TENM2: variants seen among roughly 807,000 people sequenced by gnomAD.
TENM2 encodes teneurin-2.
Under a neutral mutation model 245.2 loss-of-function variants are expected in TENM2, and 52 were observed. The observed-to-expected ratio is 0.21, with a 90% CI of 0.17 to 0.27. TENM2 has a LOEUF of 0.27. Ranked by LOEUF, TENM2 falls within the 10% of genes least tolerant of loss-of-function variation. The pLI is 1.00. For missense variants in TENM2, 3,046 were observed against 3,666.8 expected, an observed-to-expected ratio of 0.83 and a Z score of 4.37; for synonymous variants, 1,363 against 1,438.9, an observed-to-expected ratio of 0.95 and a Z score of 1.19.
intron 2 of TENM2, among the ~76,000 whole-genome samples, chr5:167,831,998 T>A (rs77030348): frequency 4.7e-5 from 7 of 149,026 alleles, no homozygotes; most frequent in African/African-American, 7.4e-5. Flanking sequence ...AAAAAAAAAA[T>A]ATTTAGCATC....
intron 3 of TENM2, among the ~76,000 whole-genome samples, chr5:167,899,422 C>CAAT (rs897282965): frequency 1.1e-3 from 171 of 152,218 alleles, no homozygotes; most frequent in African/African-American, 4.0e-3. Context: ...GTAATAATAA[C>CAAT]AATAATAATA....
At chr5:168,168,681 CAA>C (rs36016365) in intron 13 of TENM2, among the ~76,000 whole-genome samples, 19,343 of 127,780 alleles carry the variant, frequency 0.15, 1,403 homozygotes, top group East Asian at 0.46. Context: ...GACCCTGTCT[CAA>C]AAAAAAAAAA....
At chr5:167,492,638 T>C (rs1404188201) in intron 2 of TENM2, among the ~76,000 whole-genome samples, 2 of 152,148 alleles carry the variant, frequency 1.3e-5, no homozygotes, top group Non-Finnish European at 2.9e-5. Context: ...TACAATGCTT[T>C]ACATATTTCC....
intron 2 of TENM2, among the ~76,000 whole-genome samples, chr5:167,806,247 T>C (rs1255640800): frequency 6.6e-6 from 1 of 152,142 alleles, no homozygotes; most frequent in Non-Finnish European, 1.5e-5. Context: ...TAATAATTAA[T>C]GACAAGCATT....
At chr5:167,081,759 C>G in the TENM2 span, among the ~76,000 whole-genome samples, 113 of 152,328 alleles carry the variant, frequency 7.4e-4, no homozygotes, top group African/African-American at 2.7e-3. Flanking sequence ...GATCTCACTT[C>G]AGAGATGATA....
At chr5:167,952,469 G>GCAGCTTT in intron 3 of TENM2, 119 bp from the exon 6 acceptor site, 1 of 805,608 alleles carries the variant, frequency 1.2e-6, no homozygotes, top group Admixed American at 2.4e-5. Flanking sequence ...GCTCTAGCTT[G>GCAGCTTT]CAGCTTTCAG....
At chr5:168,180,392 T>G (rs553950350) in intron 13 of TENM2, among the ~76,000 whole-genome samples, 50 of 152,342 alleles carry the variant, frequency 3.3e-4, no homozygotes, top group African/African-American at 1.2e-3. Flanking sequence ...ACTCCCAAAT[T>G]ACATTTGATG....
chr5:167,718,270 G>A (rs186941522), intron 2 of TENM2, among the ~76,000 whole-genome samples: 1 of 152,128 alleles, frequency 6.6e-6, no homozygotes, highest in East Asian at 1.9e-4. Flanking sequence ...GCCCTGCTCC[G>A]AGGACCTCAC....
intron 2 of TENM2, among the ~76,000 whole-genome samples, chr5:167,853,146 C>T (rs6887278): frequency 2.5e-4 from 38 of 151,284 alleles, no homozygotes; most frequent in African/African-American, 9.2e-4. Flanking sequence ...AAAAATTAGC[C>T]GGGCGTGGTG....
At chr5:167,992,416 C>T (rs904934958) in intron 4 of TENM2, among the ~76,000 whole-genome samples, 7 of 152,182 alleles carry the variant, frequency 4.6e-5, no homozygotes, top group African/African-American at 1.7e-4. Context: ...GTATCTAGCT[C>T]TATCCATGTT....
chr5:167,517,723 C>T (rs1770475804), intron 2 of TENM2, among the ~76,000 whole-genome samples: 1 of 152,156 alleles, frequency 6.6e-6, no homozygotes. Context: ...CCTATAGTTT[C>T]TTCCCTTGCC....
intron 2 of TENM2, among the ~76,000 whole-genome samples, chr5:167,843,485 G>A (rs928319422): frequency 6.6e-6 from 1 of 152,070 alleles, no homozygotes; most frequent in Non-Finnish European, 1.5e-5. Flanking sequence ...GTCTATACTT[G>A]TCCAACTGTA....
At chr5:167,284,141 A>T (rs1175907890), upstream of TENM2, among the ~76,000 whole-genome samples, 1 of 152,136 alleles carries the variant, frequency 6.6e-6, no homozygotes, top group Admixed American at 6.5e-5. Flanking sequence ...GGGAGAAAAA[A>T]CTGGGAGTTT....
At chr5:168,243,942 T>TTG (rs1455844995) in intron 25 of TENM2, among the ~76,000 whole-genome samples, 9 of 148,234 alleles carry the variant, frequency 6.1e-5, no homozygotes, top group African/African-American at 9.8e-5. Context: ...CTTTGGTTTT[T>TTG]TTTTTTTTTT....
chr5:167,511,076 C>T (rs1175813133), intron 2 of TENM2, among the ~76,000 whole-genome samples: 2 of 152,146 alleles, frequency 1.3e-5, no homozygotes, highest in African/African-American at 4.8e-5. Context: ...ATTTATCCCA[C>T]ATGTATTACA....
intron 2 of TENM2, among the ~76,000 whole-genome samples, chr5:167,838,471 T>A (rs577509711): frequency 3.2e-4 from 49 of 152,318 alleles, no homozygotes; most frequent in South Asian, 2.9e-3. Flanking sequence ...ACTAAACTGA[T>A]TCCTACATGG....
At chr5:168,134,134 G>C (rs368031945) in intron 12 of TENM2, among the ~76,000 whole-genome samples, 4 of 151,698 alleles carry the variant, frequency 2.6e-5, no homozygotes, top group African/African-American at 9.7e-5. Context: ...TAGCCTAGGC[G>C]ACAGAGTGAG....
intron 2 of TENM2, among the ~76,000 whole-genome samples, chr5:167,753,894 G>A (rs1284490991): frequency 6.6e-6 from 1 of 152,118 alleles, no homozygotes; most frequent in Non-Finnish European, 1.5e-5. Context: ...TCCTGCAGGT[G>A]TGCCAGAGTC....
chr5:167,658,491 A>T (rs1336212365), intron 2 of TENM2, among the ~76,000 whole-genome samples: 1 of 152,106 alleles, frequency 6.6e-6, no homozygotes, highest in African/African-American at 2.4e-5. Flanking sequence ...CTCTTTTATC[A>T]AGATCTTAAT....
Sources: gnomAD v4.1 joint callset for allele counts (sites outside exome capture counted in the v4.1 genomes callset) on GRCh38, gnomAD v4.1.1 for gene constraint, MANE v1.5 for transcripts, NCBI Gene and HGNC (gene_info 2026-07-23, HGNC 2026-07-21) for gene names.